Variants in GLIS3 observed in about 807,000 individuals in gnomAD.
GLIS3 encodes the protein GLIS family zinc finger 3.
In GLIS3, 53 loss-of-function variants were observed where a neutral mutation model predicts 78.6. That is an observed-to-expected ratio of 0.67 (90% confidence interval 0.54 to 0.85). The LOEUF is 0.85. Among genes scored for constraint, GLIS3 ranks in the 40% least tolerant of loss-of-function variants. GLIS3 has a pLI of 0.00. For synonymous variants in GLIS3, 684 were observed against 509.9 expected (o/e 1.34, Z -4.60); for missense variants, 1,703 against 1,231.1 (o/e 1.38, Z -5.74).
chr9:4,352,982 T>G (rs1817994077), upstream of GLIS3, among the ~76,000 whole-genome samples: 1 of 152,198 alleles, frequency 6.6e-6, no homozygotes, highest in African/African-American at 2.4e-5. Context: ...CCTTCAGGGT[T>G]CCAGACCTCA....
At chr9:4,108,410 C>A (rs1202963482) in intron 4 of GLIS3, among the ~76,000 whole-genome samples, 3 of 152,128 alleles carry the variant, frequency 2.0e-5, no homozygotes, top group Non-Finnish European at 4.4e-5. Context: ...CATGGAAACT[C>A]TGAGGGAAGA....
intron 3 of GLIS3, among the ~76,000 whole-genome samples, chr9:4,125,116 C>T (rs1832473565): frequency 6.6e-6 from 1 of 152,156 alleles, no homozygotes; most frequent in South Asian, 2.1e-4. Flanking sequence ...GGAACCTAAT[C>T]GACATTGTGT....
At chr9:4,484,835 T>C in the GLIS3 span, among the ~76,000 whole-genome samples, 64 of 152,200 alleles carry the variant, frequency 4.2e-4, no homozygotes, top group African/African-American at 1.5e-3. Flanking sequence ...GTAGAACCAA[T>C]GAAAAGACAC....
rs1265559308 is a variant in GLIS3, at chr9:3,976,268, T to C, written c.1711-39079A>G. 2.6e-5 allele frequency among the ~76,000 whole-genome samples: 4 copies of C among 152,152 alleles called. No homozygotes were observed. The East Asian group carries it at 5.8e-4, about 22-fold the overall frequency. On this transcript the variant is annotated intron_variant, in intron 4 of 10. Transcript: ENST00000381971. ...TTAGAAGATGAGAGGGGAGGCAGGT[T>C]ACCTTCCATACATCTTTAAAAGATG...
chr9:4,386,112 T>G, the GLIS3 span, among the ~76,000 whole-genome samples: 2 of 152,172 alleles, frequency 1.3e-5, no homozygotes, highest in Non-Finnish European at 2.9e-5. Context: ...TTCCCTTTAT[T>G]GTAACAGCAC....
chr9:4,070,917 G>A (rs965687703), intron 4 of GLIS3: 4 of 152,168 alleles, frequency 2.6e-5, no homozygotes, highest in Non-Finnish European at 5.9e-5. Flanking sequence ...CCTGCTTTAT[G>A]TACCTGTATG....
intron 2 of GLIS3, among the ~76,000 whole-genome samples, chr9:4,261,980 G>A (rs1362095724): frequency 1.3e-5 from 2 of 152,186 alleles, no homozygotes; most frequent in Non-Finnish European, 2.9e-5. Flanking sequence ...AAAGGGCTGT[G>A]TTCTAAAAGT....
chr9:3,879,030 A>C (rs569349511), intron 8 of GLIS3, among the ~76,000 whole-genome samples: 69 of 152,304 alleles, frequency 4.5e-4, no homozygotes, highest in African/African-American at 1.5e-3. Context: ...TGAGCAGCCT[A>C]CATAAAATCC....
At chr9:4,015,915 T>C (rs555148903) in intron 4 of GLIS3, among the ~76,000 whole-genome samples, 2 of 145,246 alleles carry the variant, frequency 1.4e-5, no homozygotes, top group Non-Finnish European at 3.0e-5. Context: ...AAAAAAAAGA[T>C]TTTCCTCCAC....
At chr9:4,257,275 C>A (rs1045380939) in intron 2 of GLIS3, among the ~76,000 whole-genome samples, 2 of 151,812 alleles carry the variant, frequency 1.3e-5, no homozygotes, top group Admixed American at 1.3e-4. Context: ...TATGTGGAAT[C>A]TAAAATTTTT....
At chr9:4,202,508 C>A (rs1467793448) in intron 2 of GLIS3, among the ~76,000 whole-genome samples, 1 of 151,258 alleles carries the variant, frequency 6.6e-6, no homozygotes, top group East Asian at 1.9e-4. Flanking sequence ...CCCAAACAGC[C>A]AAAGCAATGC....
the GLIS3 span, among the ~76,000 whole-genome samples, chr9:4,393,067 G>A: frequency 6.6e-6 from 1 of 152,108 alleles, no homozygotes; most frequent in Middle Eastern, 3.4e-3. Flanking sequence ...TGTAAAAAAT[G>A]TTTATTGTAA....
In GLIS3 at chr9:3,828,289, C is replaced by G; in HGVS notation, c.2776G>C (p.Val926Leu). Residue 926 changes from valine (V) to leucine (L), a missense_variant, in exon 11 of 11, where the codon GTC becomes CTC. Transcript: ENST00000381971. ...VDRCPSQLSS[V>L]YTEG ...GAGAGCTTTTAGCCTTCGGTGTAGA[C>G]AGAGGAGAGCTGGCTAGGACAGCGG... 1 of 1,614,064 alleles carries G rather than the reference C, an allele frequency of 6.2e-7. No homozygotes were observed. The highest frequency in any genetic ancestry group is 8.5e-7 in the Non-Finnish European group (1 of 1,180,014).
rs768664577 is a variant in GLIS3, at chr9:4,133,874, A to ACACACACACACC, written c.389-7934_389-7933insGGTGTGTGTGTG. ...CACACACACACACACACACACACAC[A>ACACACACACACC]CCGTACATCTGTCCTCGCCTGAACG... On this transcript the variant is annotated intron_variant, in intron 2 of 10. Transcript: ENST00000381971. Among the ~76,000 whole-genome samples the ACACACACACACC allele has an allele frequency of 6.6e-4, 82 of 123,984 alleles. 3 individuals are homozygous for ACACACACACACC. Among genetic ancestry groups the ACACACACACACC allele is most frequent in the Middle Eastern group, 3.9e-3 (1 of 258 alleles). 81.3% of individuals were successfully genotyped at this position (123,984 alleles called of 152,430 possible).
At chr9:4,357,830 C>A in the GLIS3 span, among the ~76,000 whole-genome samples, 1 of 152,160 alleles carries the variant, frequency 6.6e-6, no homozygotes, top group Admixed American at 6.5e-5. Context: ...TGTCAGGAGG[C>A]ACCATTCCCA....
In GLIS3 at chr9:4,175,703, C is replaced by T. The variant is rs189583137; in HGVS notation, c.389-49762G>A. Among the ~76,000 whole-genome samples, 90 of 152,278 alleles carry T rather than the reference C, an allele frequency of 5.9e-4. 1 individual carries two copies. The highest frequency in any genetic ancestry group is 9.1e-4 in the Non-Finnish European group (62 of 68,014). On this transcript the variant is annotated intron_variant, in intron 2 of 10. Coordinates refer to ENST00000381971, the MANE Select transcript of GLIS3 (RefSeq NM_001042413.2). The stretch of plus-strand genomic sequence containing the variant: ...TTTTCAAAGTCCAAGTACTTTCCCC[C>T]ATACATAACCACCATAACGCTGGGA...
chr9:4,250,747 T>G (rs1393562472), intron 2 of GLIS3, among the ~76,000 whole-genome samples: 3 of 152,218 alleles, frequency 2.0e-5, no homozygotes, highest in Admixed American at 1.3e-4. Context: ...TTGTGGGCAT[T>G]TGGTGCTATA....
intron 2 of GLIS3, among the ~76,000 whole-genome samples, chr9:4,138,508 G>C (rs1833572790): frequency 6.6e-6 from 1 of 152,186 alleles, no homozygotes; most frequent in Non-Finnish European, 1.5e-5. Context: ...GACTTCATCT[G>C]AGCCTTTTAA....
chr9:3,962,387 A>G (rs1817626293), intron 4 of GLIS3, among the ~76,000 whole-genome samples: 1 of 152,192 alleles, frequency 6.6e-6, no homozygotes, highest in Non-Finnish European at 1.5e-5. Flanking sequence ...TTTAAATAAT[A>G]AAGAGAGGCT....
Sources: gnomAD v4.1 joint callset for allele counts (sites outside exome capture counted in the v4.1 genomes callset) on GRCh38, gnomAD v4.1.1 for gene constraint, MANE v1.5 for transcripts, NCBI Gene and HGNC (gene_info 2026-07-23, HGNC 2026-07-21) for gene names.